Variants in PCM1 observed in about 807,000 individuals in gnomAD.
The protein encoded by PCM1 is pericentriolar material 1 protein.
Under a neutral mutation model 241.9 loss-of-function variants are expected in PCM1, and 157 were observed. That is an observed-to-expected ratio of 0.65 (90% confidence interval 0.57 to 0.74). PCM1 has a LOEUF of 0.74. Among genes scored for constraint, PCM1 ranks in the 30% least tolerant of loss-of-function variants. The pLI, the probability that PCM1 is intolerant of heterozygous loss-of-function variation, is 0.00. For missense variants in PCM1, 3,478 were observed against 2,360.1 expected (o/e 1.47, Z -9.81); for synonymous variants, 1,085 against 784.9 (o/e 1.38, Z -6.39).
intron 33 of PCM1, 65 bp downstream of exon 33, chr8:18,011,431 T>G (rs559788107): frequency 7.5e-7 from 1 of 1,332,314 alleles, no homozygotes; most frequent in African/African-American, 1.5e-5. Flanking sequence ...ATTGGAACAG[T>G]TTGGTGGAGT....
At chr8:17,976,615 G>A (rs764905128) in intron 23 of PCM1, among the ~76,000 whole-genome samples, 5 of 152,144 alleles carry the variant, frequency 3.3e-5, no homozygotes, top group Admixed American at 1.3e-4. Flanking sequence ...ACCTCTCTGC[G>A]CTCTTTGGAC....
intron 29 of PCM1, among the ~76,000 whole-genome samples, chr8:18,001,035 A>G (rs1216982796): frequency 6.6e-6 from 1 of 152,246 alleles, no homozygotes; most frequent in South Asian, 2.1e-4. Flanking sequence ...ATTATAGCAT[A>G]TAGCTGCTGC....
At chr8:17,980,532 T>C (rs2080348976) in intron 23 of PCM1, 59 bp from the exon 24 acceptor site, 1 of 1,429,826 alleles carries the variant, frequency 7.0e-7, no homozygotes, top group South Asian at 1.4e-5. Flanking sequence ...TGGAAACCGA[T>C]TTCCCTTTTA....
intron 1 of PCM1, among the ~76,000 whole-genome samples, chr8:17,923,617 C>T (rs2055503248): frequency 6.6e-6 from 1 of 152,058 alleles, no homozygotes; most frequent in Admixed American, 6.5e-5. Flanking sequence ...TCCCCGCGTT[C>T]CCTCTGTGGA....
Position 17,992,677 on chromosome 8 carries a change from C to T in PCM1, c.4691-806C>T, listed in dbSNP as rs151165748. On this transcript the variant is annotated intron_variant, in intron 28 of 38. Transcript: ENST00000325083. The stretch of plus-strand genomic sequence containing the variant: ...TGTTGCCCAGGCTGCAATGCAGTGG[C>T]ACAATCTCAGCTCACTGCATCCTCT... Among the ~76,000 whole-genome samples, 85 of 149,412 alleles carry T rather than the reference C, an allele frequency of 5.7e-4. No individual in the cohort carries two copies. In the South Asian group the frequency reaches 6.9e-3, roughly 12 times the overall value.
rs114780529 is a variant in PCM1, at chr8:17,965,197, C to T, written c.2855+429C>T. ...GAGGTGTGCAGAGCTTCCATGGTTT[C>T]CTCTGTGTGTCCCACCCTCCCCAGC... On this transcript the variant is annotated intron_variant, in intron 18 of 38. Coordinates refer to ENST00000325083, the MANE Select transcript of PCM1 (RefSeq NM_006197.4). Among the ~76,000 whole-genome samples the T allele has an allele frequency of 7.4e-3, 1,128 of 152,262 alleles. 10 individuals carry two copies. The highest frequency in any genetic ancestry group is 0.026 in the African/African-American group (1,082 of 41,550).
At chr8:18,020,223 A>G (rs2093644940) in intron 36 of PCM1, among the ~76,000 whole-genome samples, 1 of 152,192 alleles carries the variant, frequency 6.6e-6, no homozygotes. Flanking sequence ...GAAGCTACTG[A>G]CCCATTGCTT....
chr8:17,985,866 C>A, intron 25 of PCM1, 93 bp from the exon 26 acceptor site: 1 of 896,268 alleles, frequency 1.1e-6, no homozygotes, highest in Non-Finnish European at 1.6e-6. Context: ...GTACATTTTT[C>A]CTTCCATCTG....
chr8:17,967,305 C>CCTTTTTTTTTTTTTTTTTTTTTTTTTT (rs750023452), intron 21 of PCM1, 135 bp downstream of exon 21: 1 of 454,648 alleles, frequency 2.2e-6, no homozygotes, highest in African/African-American at 2.1e-5. Context: ...GTTACAAACT[C>CCTTTTTTTTTTTTTTTTTTTTTTTTTT]TTTTTTTTTT....
Position 17,956,620 on chromosome 8 carries a change from C to G in PCM1, c.1489C>G (p.Arg497Gly). ...GTTTATCAGGAAGTTAAATGAAGTT[C>G]GAAAGAGATTGAATGAGCTAAGAGA... ...SEKLQKLNEV[R>G]KRLNELRELV... The change falls in exon 11 of 39, where the codon CGA becomes GGA. Residue 497 changes from arginine (R) to glycine (G), a missense_variant. By Grantham distance (125) the Arg-to-Gly change is moderately radical. Transcript: ENST00000325083. 1.3e-6 allele frequency: 2 copies of G among 1,590,008 alleles called. No individual in the cohort carries two copies. The highest frequency in any genetic ancestry group is 1.7e-6 in the Non-Finnish European group (2 of 1,166,692).
chr8:17,998,745 GT>G (rs1456623599), intron 29 of PCM1, among the ~76,000 whole-genome samples: 2 of 152,174 alleles, frequency 1.3e-5, no homozygotes, highest in African/African-American at 4.8e-5. Context: ...AGCCAGCCAG[GT>G]TTGTGTCTTT....
At chr8:18,025,296 A>C (rs2094111140) in intron 36 of PCM1, 65 bp from the exon 37 acceptor site, 1 of 852,528 alleles carries the variant, frequency 1.2e-6, no homozygotes. Flanking sequence ...ATAATTCACT[A>C]TTTCTTTACA....
intron 6 of PCM1, among the ~76,000 whole-genome samples, chr8:17,940,363 G>C (rs1180636870): frequency 1.3e-5 from 2 of 152,114 alleles, no homozygotes. Flanking sequence ...TAGTTTTAAT[G>C]GTTAATTTGA....
Position 18,011,364 on chromosome 8 carries a change from T to C in PCM1, c.5348T>C (p.Ile1783Thr), listed in dbSNP as rs774077303. ...GAAAGTGAAGGATGTCCAGTGTCTA[T>C]TAGTAAGTTTAAAGGCTCTGTACTA... ...DEESEGCPVS[I>T]NLSKAETQAL... The change falls in exon 33 of 39, where the codon ATT (isoleucine) becomes ACT (threonine). Residue 1783 changes from isoleucine (I) to threonine (T), a missense_variant and splice_region_variant. Coordinates refer to ENST00000325083, the MANE Select transcript of PCM1 (RefSeq NM_006197.4). 1 of 1,585,186 alleles carries C rather than the reference T, an allele frequency of 6.3e-7. No individual in the cohort carries two copies. The highest frequency in any genetic ancestry group is 1.2e-5 in the South Asian group (1 of 85,368).
At chr8:17,923,728 T>G (rs1163922872) in intron 1 of PCM1, among the ~76,000 whole-genome samples, 1 of 151,994 alleles carries the variant, frequency 6.6e-6, no homozygotes, top group East Asian at 1.9e-4. Flanking sequence ...TTCCGCCGTC[T>G]CTGGTGCTGT....
chr8:17,981,719 A>T (rs2080885963), intron 24 of PCM1, among the ~76,000 whole-genome samples: 1 of 152,114 alleles, frequency 6.6e-6, no homozygotes, highest in Admixed American at 6.5e-5. Flanking sequence ...CATAATGCTG[A>T]GTTGGTTTTA....
chr8:18,022,705 A>G (rs1202860819), intron 36 of PCM1, among the ~76,000 whole-genome samples: 1 of 152,180 alleles, frequency 6.6e-6, no homozygotes, highest in Admixed American at 6.5e-5. Flanking sequence ...CAGTCTCCCT[A>G]TATGCAGTCA....
chr8:18,000,943 T>C (rs2089174324), intron 29 of PCM1, among the ~76,000 whole-genome samples: 1 of 152,212 alleles, frequency 6.6e-6, no homozygotes, highest in Admixed American at 6.5e-5. Flanking sequence ...TTGAACTGTC[T>C]TTTAGACAAT....
intron 32 of PCM1, among the ~76,000 whole-genome samples, chr8:18,010,961 A>G (rs960500767): frequency 6.6e-6 from 1 of 152,250 alleles, no homozygotes; most frequent in African/African-American, 2.4e-5. Context: ...CAACAGAGCT[A>G]GACTGTGCCT....
Sources: gnomAD v4.1 joint callset for allele counts (sites outside exome capture counted in the v4.1 genomes callset) on GRCh38, gnomAD v4.1.1 for gene constraint, MANE v1.5 for transcripts, NCBI Gene and HGNC (gene_info 2026-07-23, HGNC 2026-07-21) for gene names.